FBXO2: variants seen among roughly 807,000 people sequenced by gnomAD.
The protein encoded by FBXO2 is F-box protein 2, also known as F-box only protein 2.
A neutral mutation model predicts 38.6 loss-of-function variants in FBXO2; 32 were observed. The ratio of observed to expected loss-of-function variants is 0.83; its 90% CI spans 0.62 to 1.11. FBXO2 has a LOEUF of 1.11. Ranked by LOEUF, FBXO2 falls within the 50% of genes most tolerant of loss-of-function variation. FBXO2 has a pLI of 0.00. For missense variants in FBXO2, 450 were observed against 418.3 expected (o/e 1.08, Z -0.66); for synonymous variants, 189 against 182.9 (o/e 1.03, Z -0.27).
intron 1 of FBXO2, among the ~76,000 whole-genome samples, chr1:11,652,642 G>A (rs530083246): frequency 2.6e-5 from 4 of 152,306 alleles, no homozygotes; most frequent in African/African-American, 4.8e-5. Context: ...AGGAGGAGAC[G>A]GGGCCACTCT....
At position 11,649,983 on chromosome 1, in the gene FBXO2, G is replaced by C. The variant is rs751678150; in HGVS notation, c.483C>G (p.His161Gln). 6.2e-7 allele frequency: 1 copy of C among 1,613,942 alleles called. No individual in the cohort carries two copies. Among genetic ancestry groups the C allele is most frequent in the Non-Finnish European group, 8.5e-7 (1 of 1,180,002 alleles). The part of the protein sequence containing the change: ...LPGDSGVEFT[H>Q]DESVKKYFAS... ...CGAAGTACTTCTTGACGCTCTCATCGTGGGTGAACTCCACCCCACTGTCTC... is the reference window on the plus strand; with the variant it reads ...CGAAGTACTTCTTGACGCTCTCATCCTGGGTGAACTCCACCCCACTGTCTC... Residue 161 changes from histidine to glutamine, a missense_variant, in exon 3 of 6, where the codon CAC (histidine) becomes CAG (glutamine). Transcript: ENST00000354287.
chr1:11,648,975 G>GCCCAA lies in FBXO2; in HGVS notation c.756+111_756+112insTTGGG. ...TCTCCACCACCCGGTGACTATCTCAGCCCAGCCCAGCCCAGCCCACCCCAG... is the reference window on the plus strand; with the variant it reads ...TCTCCACCACCCGGTGACTATCTCAGCCCAACCCAGCCCAGCCCAGCCCACCCCAG... On this transcript the variant is annotated intron_variant, in intron 5 of 5. Coordinates refer to ENST00000354287, the MANE Select transcript of FBXO2 (RefSeq NM_012168.6). This position sits in a 1 kb window ranked among gnomAD's most constrained non-coding sequence, Gnocchi z 4.2. 1 of 1,280,172 alleles carries GCCCAA rather than the reference G, an allele frequency of 7.8e-7. No individual in the cohort carries two copies. Among genetic ancestry groups the GCCCAA allele is most frequent in the Non-Finnish European group, 1.1e-6 (1 of 922,496 alleles). 79.3% of individuals were successfully genotyped at this position (1,280,172 alleles called of 1,614,324 possible). A position where few individuals can be genotyped will look rare whatever the true frequency, so the allele number is the denominator to read the frequency against.
Position 11,648,995 on chromosome 1 carries a change from C to CCCAG in FBXO2, c.756+91_756+92insCTGG, listed in dbSNP as rs538205502. 687,211 of 1,347,824 alleles carry CCCAG rather than the reference C, an allele frequency of 0.51. 221,935 individuals carry two copies. Among genetic ancestry groups the CCCAG allele is most frequent in the Non-Finnish European group, 0.56 (545,725 of 980,328 alleles). The allele number at this position is 1,347,824 out of a possible 1,614,324, so 83.5% of individuals were successfully genotyped here. On this transcript the variant is annotated intron_variant, in intron 5 of 5. Transcript: ENST00000354287. This position sits in a 1 kb window ranked among gnomAD's most constrained non-coding sequence, Gnocchi z 4.2. ...TCTCAGCCCAGCCCAGCCCAGCCCA[C>CCCAG]CCCAGCCCAGGAGCGCTGTGGGCGG... is the stretch of plus-strand genomic sequence containing the variant.
rs1206779977 is a variant in FBXO2, at chr1:11,648,792, G to C, written c.793C>G (p.Arg265Gly). The change falls in exon 6 of 6, where the codon CGC (arginine) becomes GGC (glycine). Residue 265 changes from arginine to glycine, a missense_variant. By Grantham distance (125) the Arg-to-Gly change is moderately radical (BLOSUM62 -2). Coordinates refer to ENST00000354287, the MANE Select transcript of FBXO2 (RefSeq NM_012168.6). This position sits in a 1 kb window ranked among gnomAD's most constrained non-coding sequence, Gnocchi z 4.2. ...CCCCCGTGCTCGAAGCGGACGAAGC[G>C]GACGCCCGGCCCGTAGTCGGTGAAG... ...HTFTDYGPGV[R>G]FVRFEHGGQD... The C allele has an allele frequency of 1.9e-6, 3 of 1,613,758 alleles. No individual in the cohort carries two copies. The highest frequency in any genetic ancestry group is 4.5e-5 in the East Asian group (2 of 44,888).
At chr1:11,651,537 G>A (rs1639520265) in intron 1 of FBXO2, among the ~76,000 whole-genome samples, 1 of 152,136 alleles carries the variant, frequency 6.6e-6, no homozygotes, top group African/African-American at 2.4e-5. Context: ...TTATTGCATT[G>A]ATGAGGAAAC....
Position 11,648,804 on chromosome 1 carries a change from C to G in FBXO2, c.781G>C (p.Gly261Arg), listed in dbSNP as rs758961748. The change falls in exon 6 of 6, where the codon GGG (glycine) becomes CGG (arginine). Residue 261 changes from glycine (G) to arginine (R), a missense_variant. Coordinates refer to ENST00000354287, the MANE Select transcript of FBXO2 (RefSeq NM_012168.6). This position sits in a 1 kb window ranked among gnomAD's most constrained non-coding sequence, Gnocchi z 4.2. ...MEISHTFTDY[G>R]PGVRFVRFEH... ...AAGCGGACGAAGCGGACGCCCGGCC[C>G]GTAGTCGGTGAAGGTGTGGGAGATC... 6 of 1,613,590 alleles carry G rather than the reference C, an allele frequency of 3.7e-6. No homozygotes were observed. In the South Asian group the frequency reaches 4.4e-5, roughly 12 times the overall value.
intron 4 of FBXO2, 130 bp downstream of exon 4, chr1:11,649,649 C>A (rs1163142634): frequency 4.5e-6 from 4 of 891,898 alleles, no homozygotes; most frequent in East Asian, 2.6e-5. Flanking sequence ...CCTTTGCAGA[C>A]CCGTGGCCCA....
Position 11,650,811 on chromosome 1 carries a change from C to A in FBXO2, c.46G>T (p.Ala16Ser). 6.5e-7 allele frequency: 1 copy of A among 1,544,158 alleles called. No individual in the cohort carries two copies. The highest frequency in any genetic ancestry group is 8.7e-7 in the Non-Finnish European group (1 of 1,150,476). ...TCCTCTGGCTGCTCCTCCGGGCTTG[C>A]CTCCTCGGGCTGGCCCACGCTCTCT... ...DPESVGQPEE[A>S]SPEEQPEEAS... The change falls in exon 2 of 6, where the codon GCA (alanine) becomes TCA (serine). Residue 16 changes from alanine to serine, a missense_variant. Ala to Ser is a moderately conservative substitution (Grantham distance 99). Transcript: ENST00000354287.
rs765405755 is a variant in FBXO2, at chr1:11,648,929, T to C, written c.757-101A>G. On this transcript the variant is annotated intron_variant, in intron 5 of 5. Transcript: ENST00000354287. This position sits in a 1 kb window ranked among gnomAD's most constrained non-coding sequence, Gnocchi z 4.2. ...CGACCTGCAGCTCCCCCACTCGGTT[T>C]CTCCGCGGTATTCAGAACTCTCTCC... 6 of 1,544,054 alleles carry C rather than the reference T, an allele frequency of 3.9e-6. No individual in the cohort carries two copies. The highest frequency in any genetic ancestry group is 5.3e-6 in the Non-Finnish European group (6 of 1,133,392).
chr1:11,648,900 C>G lies in FBXO2; in HGVS notation c.757-72G>C, dbSNP rs959129654. The G allele has an allele frequency of 1.8e-5, 29 of 1,585,138 alleles. No homozygotes were observed. Among genetic ancestry groups the G allele is most frequent in the Non-Finnish European group, 2.5e-5 (29 of 1,160,986 alleles). The stretch of plus-strand genomic sequence containing the variant: ...CTCCTGCCGCCCCACCCCGGTACAC[C>G]GACCGACCTGCAGCTCCCCCACTCG... On this transcript the variant is annotated intron_variant, in intron 5 of 5. Transcript: ENST00000354287. The surrounding 1 kb of genome is among the most constrained non-coding windows in gnomAD (Gnocchi z 4.2).
intron 1 of FBXO2, 113 bp from the exon 2 acceptor site, chr1:11,650,947 T>C (rs1206549435): frequency 1.4e-5 from 19 of 1,391,692 alleles, no homozygotes; most frequent in Non-Finnish European, 1.7e-5. Flanking sequence ...AATCCACAGC[T>C]GGGGCCGGAG....
Position 11,649,799 on chromosome 1 carries a change from C to T in FBXO2, c.597G>A (p.Pro199=). Residue 199 remains proline (P), a synonymous_variant, in exon 4 of 6, where the codon CCG becomes CCA. Coordinates refer to ENST00000354287, the MANE Select transcript of FBXO2 (RefSeq NM_012168.6). The stretch of plus-strand genomic sequence containing the variant: ...CTCACCAGTCCTTCACCACGATGGC[C>T]GGCTGAGTCGTGTCCAGCAGCTCCT... The part of the protein sequence containing the change: ...YWEELLDTTQ[P]AIVVKDWYSG... 5.6e-6 allele frequency: 9 copies of T among 1,613,908 alleles called. No individual in the cohort carries two copies. Among genetic ancestry groups the T allele is most frequent in the African/African-American group, 1.3e-5 (1 of 75,030 alleles).
intron 3 of FBXO2, 27 bp downstream of exon 3, chr1:11,649,918 C>T: frequency 6.2e-7 from 1 of 1,613,900 alleles, no homozygotes; most frequent in Non-Finnish European, 8.5e-7. Flanking sequence ...TCCCCCCTTC[C>T]CACCTCCTCC....
At chr1:11,653,140 G>A (rs892022993) in intron 1 of FBXO2, among the ~76,000 whole-genome samples, 1 of 152,124 alleles carries the variant, frequency 6.6e-6, no homozygotes, top group East Asian at 1.9e-4. Context: ...CAGCTCTCTG[G>A]GGAGCTAGGC....
intron 4 of FBXO2, 77 bp downstream of exon 4, chr1:11,649,702 G>C (rs1325101588): frequency 1.4e-6 from 2 of 1,464,454 alleles, no homozygotes; most frequent in Admixed American, 1.7e-5. Context: ...ACCCCCAGGC[G>C]GGGGGTTCCC....
intron 2 of FBXO2, 78 bp downstream of exon 2, chr1:11,650,388 T>C: frequency 1.3e-6 from 2 of 1,528,660 alleles, no homozygotes; most frequent in South Asian, 2.5e-5. Flanking sequence ...ATCCCATTTC[T>C]CCCTCAAAGC....
chr1:11,650,426 C>A, intron 2 of FBXO2, 40 bp downstream of exon 2: 1 of 1,592,430 alleles, frequency 6.3e-7, no homozygotes. Flanking sequence ...GCCCATTTCG[C>A]AGCAGGGGAA....
At position 11,648,405 on chromosome 1, in the gene FBXO2, T is replaced by C; in HGVS notation, c.*289A>G. The C allele has an allele frequency of 2.4e-6, 1 of 413,054 alleles. No individual in the cohort carries two copies. Among genetic ancestry groups the C allele is most frequent in the Non-Finnish European group, 4.4e-6 (1 of 228,370 alleles). 25.6% of individuals were successfully genotyped at this position (413,054 alleles called of 1,614,324 possible). ...TCATTCCTTCCTTGGACAAATAATATTTATTGAGAGCCCACTTTGTGGCAA... is the reference window on the plus strand; with the variant it reads ...TCATTCCTTCCTTGGACAAATAATACTTATTGAGAGCCCACTTTGTGGCAA... On this transcript the variant is annotated 3_prime_UTR_variant, in exon 6 of 6. Coordinates refer to ENST00000354287, the MANE Select transcript of FBXO2 (RefSeq NM_012168.6). This position sits in a 1 kb window ranked among gnomAD's most constrained non-coding sequence, Gnocchi z 4.2.
At position 11,650,583 on chromosome 1, in the gene FBXO2, A is replaced by T. The variant is rs749552045; in HGVS notation, c.274T>A (p.Cys92Ser). The change falls in exon 2 of 6, where the codon TGC (cysteine) becomes AGC (serine). Residue 92 changes from cysteine to serine, a missense_variant. Coordinates refer to ENST00000354287, the MANE Select transcript of FBXO2 (RefSeq NM_012168.6). ...VDGAPLWLLK[C>S]QQEGLVPEGG... Reference sequence around the variant, plus strand: ...TCGGGCACCAGCCCCTCCTGCTGGCACTTGAGCAGCCACAGCGGGGCGCCG... The same window carrying T: ...TCGGGCACCAGCCCCTCCTGCTGGCTCTTGAGCAGCCACAGCGGGGCGCCG... 15 of 1,594,394 alleles carry T rather than the reference A, an allele frequency of 9.4e-6. No individual in the cohort carries two copies. Among genetic ancestry groups the T allele is most frequent in the African/African-American group, 1.3e-5 (1 of 74,588 alleles).
Sources: gnomAD v4.1 joint callset for allele counts (sites outside exome capture counted in the v4.1 genomes callset) on GRCh38, gnomAD v4.1.1 for gene constraint, Gnocchi (gnomAD v3.1) non-coding constraint, MANE v1.5 for transcripts, NCBI Gene and HGNC (gene_info 2026-07-23, HGNC 2026-07-21) for gene names.